The following C1orf21 variants were observed in gnomAD, a reference collection of about 807,000 sequenced individuals.
C1orf21 encodes the protein chromosome 1 open reading frame 21, also known as uncharacterized protein C1orf21.
In C1orf21, 3 loss-of-function variants were observed where a neutral mutation model predicts 18.7. The ratio of observed to expected loss-of-function variants is 0.16; its 90% confidence interval spans 0.07 to 0.42. C1orf21 has a LOEUF of 0.42. Among genes scored for constraint, C1orf21 ranks in the 10% least tolerant of loss-of-function variants. The pLI is 0.99. For synonymous variants in C1orf21, 41 were observed against 46.4 expected, an observed-to-expected ratio of 0.88 and a Z score of 0.47; for missense variants, 104 against 143.6, an observed-to-expected ratio of 0.72 and a Z score of 1.41.
chr1:184,597,772 G>T (rs1298974716), intron 4 of C1orf21, among the ~76,000 whole-genome samples: 3 of 152,148 alleles, frequency 2.0e-5, no homozygotes, highest in African/African-American at 7.2e-5. Flanking sequence ...CACTAAGAAG[G>T]CTGTTAAAAG....
intron 4 of C1orf21, among the ~76,000 whole-genome samples, chr1:184,594,574 G>C (rs1558010679): frequency 6.6e-6 from 1 of 152,206 alleles, no homozygotes; most frequent in Non-Finnish European, 1.5e-5. Flanking sequence ...AAAGTCTCTT[G>C]GTACAGAATT....
intron 1 of C1orf21, among the ~76,000 whole-genome samples, chr1:184,426,972 A>G (rs1178980308): frequency 6.6e-6 from 1 of 152,180 alleles, no homozygotes; most frequent in African/African-American, 2.4e-5. Context: ...CCACAGGAAG[A>G]TGTCACCTTT....
At chr1:184,390,353 C>T (rs1332800964) in intron 1 of C1orf21, among the ~76,000 whole-genome samples, 4 of 152,144 alleles carry the variant, frequency 2.6e-5, no homozygotes, top group Non-Finnish European at 4.4e-5. Flanking sequence ...GCTTCAGACT[C>T]CAGCAAGTGC....
intron 2 of C1orf21, among the ~76,000 whole-genome samples, chr1:184,490,934 A>T (rs1271023205): frequency 1.3e-5 from 2 of 152,196 alleles, no homozygotes; most frequent in African/African-American, 4.8e-5. Context: ...TTTGTGAAAA[A>T]AAAAAAGCAT....
intron 2 of C1orf21, among the ~76,000 whole-genome samples, chr1:184,482,368 G>A (rs1277931468): frequency 6.6e-6 from 1 of 152,190 alleles, no homozygotes; most frequent in African/African-American, 2.4e-5. Context: ...TACATTTGCT[G>A]CCTTCTGTTG....
At chr1:184,556,680 G>C (rs1158176660) in intron 3 of C1orf21, among the ~76,000 whole-genome samples, 1 of 152,156 alleles carries the variant, frequency 6.6e-6, no homozygotes, top group Admixed American at 6.5e-5. Context: ...AATGAAGGAA[G>C]GGGAAACAGA....
intron 1 of C1orf21, among the ~76,000 whole-genome samples, chr1:184,451,884 T>C (rs1327385174): frequency 6.6e-6 from 1 of 152,200 alleles, no homozygotes; most frequent in African/African-American, 2.4e-5. Context: ...AATGAGCAAA[T>C]GCTCCATTGA....
At chr1:184,590,872 G>A in intron 4 of C1orf21, 57 bp downstream of exon 4, 2 of 1,438,028 alleles carry the variant, frequency 1.4e-6, no homozygotes, top group African/African-American at 1.4e-5. Flanking sequence ...CATGGATTCT[G>A]CATCTGTGGA....
chr1:184,511,094 A>C (rs6669302), intron 3 of C1orf21, among the ~76,000 whole-genome samples: 1 of 152,234 alleles, frequency 6.6e-6, no homozygotes. Context: ...AGTAGTGAGC[A>C]TAATGATATG....
intron 3 of C1orf21, among the ~76,000 whole-genome samples, chr1:184,517,373 G>C (rs1658246771): frequency 1.3e-5 from 2 of 152,150 alleles, no homozygotes; most frequent in East Asian, 3.8e-4. Flanking sequence ...GGTTGTTCCT[G>C]ATTATCTTAG....
intron 1 of C1orf21, among the ~76,000 whole-genome samples, chr1:184,413,073 C>T (rs1293698062): frequency 1.3e-5 from 2 of 152,172 alleles, no homozygotes; most frequent in South Asian, 2.1e-4. Flanking sequence ...ATATACTCAT[C>T]CCAAGATTCC....
At chr1:184,416,251 A>G (rs1656449531) in intron 1 of C1orf21, among the ~76,000 whole-genome samples, 2 of 152,184 alleles carry the variant, frequency 1.3e-5, no homozygotes, top group African/African-American at 4.8e-5. Context: ...TTACTCATTC[A>G]GTAATTTGTT....
chr1:184,606,718 A>C (rs1469281271), intron 5 of C1orf21, among the ~76,000 whole-genome samples: 6 of 152,234 alleles, frequency 3.9e-5, no homozygotes, highest in Non-Finnish European at 8.8e-5. Context: ...CTTGACATGA[A>C]CATGTTCTCT....
At chr1:184,497,737 C>T (rs758943562) in intron 2 of C1orf21, among the ~76,000 whole-genome samples, 1 of 152,186 alleles carries the variant, frequency 6.6e-6, no homozygotes, top group Admixed American at 6.5e-5. Flanking sequence ...TTTGCAGCCA[C>T]TGAATTCTTT....
intron 1 of C1orf21, among the ~76,000 whole-genome samples, chr1:184,429,291 T>G (rs547117438): frequency 6.6e-6 from 1 of 152,280 alleles, no homozygotes; most frequent in Non-Finnish European, 1.5e-5. Context: ...GGGTACCTTA[T>G]AGTTCAGCAT....
At chr1:184,397,414 G>A (rs544957881) in intron 1 of C1orf21, among the ~76,000 whole-genome samples, 344 of 152,124 alleles carry the variant, frequency 2.3e-3, no homozygotes, top group Middle Eastern at 0.017. Flanking sequence ...GTGAAACCCC[G>A]TCTCTACTAA....
chr1:184,601,016 A>G (rs745899033), intron 5 of C1orf21, among the ~76,000 whole-genome samples: 1 of 152,214 alleles, frequency 6.6e-6, no homozygotes, highest in Non-Finnish European at 1.5e-5. Flanking sequence ...CTGGTCATTT[A>G]CCATTGCTAA....
intron 3 of C1orf21, among the ~76,000 whole-genome samples, chr1:184,545,121 G>T (rs570312499): frequency 6.6e-6 from 1 of 152,282 alleles, no homozygotes; most frequent in South Asian, 2.1e-4. Flanking sequence ...ACACAAGGGT[G>T]TGAATCTTAG....
intron 3 of C1orf21, among the ~76,000 whole-genome samples, chr1:184,559,545 T>TCCCC (rs1658928958): frequency 2.4e-5 from 3 of 125,696 alleles, no homozygotes; most frequent in East Asian, 5.1e-4. Context: ...CTTCCTTCCT[T>TCCCC]CCTTCCTTCC....
Sources: gnomAD v4.1 joint callset for allele counts (sites outside exome capture counted in the v4.1 genomes callset) on GRCh38, gnomAD v4.1.1 for gene constraint, MANE v1.5 for transcripts, NCBI Gene and HGNC (gene_info 2026-07-23, HGNC 2026-07-21) for gene names.